The following CDK14 variants were observed in gnomAD, a reference collection of about 807,000 sequenced individuals.
CDK14 encodes cyclin dependent kinase 14, also known as cyclin-dependent kinase 14.
In CDK14, 34 loss-of-function variants were observed where a neutral mutation model predicts 60.7. That is an observed-to-expected ratio of 0.56 (90% CI 0.43 to 0.75). The LOEUF is 0.75. Ranked by LOEUF, CDK14 falls within the 30% of genes least tolerant of loss-of-function variation. CDK14 has a pLI of 0.00. For synonymous variants in CDK14, 197 were observed against 203.7 expected, an observed-to-expected ratio of 0.97 and a Z score of 0.28; for missense variants, 482 against 564.1, an observed-to-expected ratio of 0.85 and a Z score of 1.47.
At chr7:90,721,928 T>C (rs1276219434) in intron 2 of CDK14, among the ~76,000 whole-genome samples, 3 of 152,178 alleles carry the variant, frequency 2.0e-5, no homozygotes, top group Non-Finnish European at 4.4e-5. Flanking sequence ...TTATTCAGAT[T>C]GCTGACAAGT....
chr7:91,067,155 T>G (rs1562890401), intron 11 of CDK14, among the ~76,000 whole-genome samples: 1 of 152,254 alleles, frequency 6.6e-6, no homozygotes, highest in Non-Finnish European at 1.5e-5. Context: ...ATGCTTGTTG[T>G]CAACTTGGGG....
chr7:90,642,811 G>T (rs1222789154), intron 2 of CDK14, among the ~76,000 whole-genome samples: 1 of 152,062 alleles, frequency 6.6e-6, no homozygotes, highest in Non-Finnish European at 1.5e-5. Flanking sequence ...AACGTTTAAA[G>T]GTGTATTTCT....
At chr7:91,079,387 A>G in intron 11 of CDK14, 45 bp from the exon 12 acceptor site, 3 of 1,296,802 alleles carry the variant, frequency 2.3e-6, no homozygotes, top group Non-Finnish European at 3.3e-6. Flanking sequence ...TGTAATATAT[A>G]CATTTGATAC....
At chr7:91,101,838 T>C (rs1036499819) in intron 12 of CDK14, among the ~76,000 whole-genome samples, 42 of 151,940 alleles carry the variant, frequency 2.8e-4, no homozygotes, top group African/African-American at 9.7e-4. Context: ...AATGAATAAA[T>C]TTAAGCCTGT....
intron 10 of CDK14, among the ~76,000 whole-genome samples, chr7:91,034,055 G>C (rs985218786): frequency 4.6e-5 from 7 of 152,162 alleles, no homozygotes; most frequent in Non-Finnish European, 1.0e-4. Flanking sequence ...AGTAATTTTA[G>C]ATTTATTTAT....
At chr7:90,981,958 A>G (rs751212804) in intron 9 of CDK14, among the ~76,000 whole-genome samples, 1 of 152,154 alleles carries the variant, frequency 6.6e-6, no homozygotes. Context: ...AGCCATCTAC[A>G]TATGCTAGTT....
At chr7:91,055,753 T>C (rs186044212) in intron 11 of CDK14, among the ~76,000 whole-genome samples, 1 of 152,334 alleles carries the variant, frequency 6.6e-6, no homozygotes, top group African/African-American at 2.4e-5. Context: ...TAAAGTCATA[T>C]TGAAGAAAAG....
chr7:90,832,542 G>T (rs1329100447), intron 5 of CDK14, among the ~76,000 whole-genome samples: 2 of 151,876 alleles, frequency 1.3e-5, no homozygotes, highest in Non-Finnish European at 2.9e-5. Context: ...ATACCTACTT[G>T]TTAAAAGAAG....
intron 10 of CDK14, among the ~76,000 whole-genome samples, chr7:90,997,498 G>A (rs1795718531): frequency 6.6e-6 from 1 of 152,108 alleles, no homozygotes; most frequent in African/African-American, 2.4e-5. Context: ...AGTTTCTCCT[G>A]TTGCAGTTCT....
At chr7:91,140,557 C>G (rs1447681849) in intron 14 of CDK14, among the ~76,000 whole-genome samples, 2 of 152,160 alleles carry the variant, frequency 1.3e-5, no homozygotes, top group African/African-American at 4.8e-5. Flanking sequence ...AGCTCTAACT[C>G]GGGAAGCAAT....
chr7:91,187,540 C>T (rs1802227519), intron 14 of CDK14, among the ~76,000 whole-genome samples: 1 of 152,166 alleles, frequency 6.6e-6, no homozygotes, highest in South Asian at 2.1e-4. Context: ...GCTGAAGTGG[C>T]ATCGTTGTCT....
At chr7:90,939,795 TAAATG>T (rs773650010) in intron 8 of CDK14, among the ~76,000 whole-genome samples, 99 of 152,316 alleles carry the variant, frequency 6.5e-4, no homozygotes, top group Non-Finnish European at 1.2e-3. Flanking sequence ...TTTTAGTAGC[TAAATG>T]AGCTATTATG....
intron 7 of CDK14, among the ~76,000 whole-genome samples, chr7:90,909,349 T>G (rs566474759): frequency 6.6e-6 from 1 of 152,182 alleles, no homozygotes; most frequent in South Asian, 2.1e-4. Context: ...CAGCTTGTCT[T>G]TAACAGTTTC....
intron 2 of CDK14, among the ~76,000 whole-genome samples, chr7:90,625,445 T>C (rs1799857156): frequency 6.6e-6 from 1 of 152,260 alleles, no homozygotes; most frequent in South Asian, 2.1e-4. Context: ...GTTTTGAAGT[T>C]AAGCCTAATG....
intron 11 of CDK14, among the ~76,000 whole-genome samples, chr7:91,063,302 A>AC (rs1562888922): frequency 6.6e-6 from 1 of 152,074 alleles, no homozygotes; most frequent in Non-Finnish European, 1.5e-5. Context: ...AAGAAAAAAA[A>AC]CTTCGTTTCC....
At chr7:91,137,669 C>T (rs916891073) in intron 14 of CDK14, among the ~76,000 whole-genome samples, 1 of 124,960 alleles carries the variant, frequency 8.0e-6, no homozygotes, top group African/African-American at 3.7e-5. Context: ...CACTTATGAG[C>T]TCTACTTCTA....
At chr7:90,948,332 T>A (rs571000969) in intron 8 of CDK14, among the ~76,000 whole-genome samples, 1 of 152,344 alleles carries the variant, frequency 6.6e-6, no homozygotes, top group South Asian at 2.1e-4. Flanking sequence ...TCACATATAC[T>A]CTATTGAAAA....
At position 91,207,397 on chromosome 7, in the gene CDK14, A is replaced by G. The variant is rs1802936469; in HGVS notation, c.*261A>G. On this transcript the variant is annotated 3_prime_UTR_variant, in exon 15 of 15. Coordinates refer to ENST00000380050, the MANE Select transcript of CDK14 (RefSeq NM_001287135.2). ...AAGATTAAGCTTTGCTTACTGATAC[A>G]TGGCATGTATTCTTTTCAGTCTTTT... 6.6e-6 allele frequency: 1 copy of G among 152,534 alleles called. No homozygotes were observed. The highest frequency in any genetic ancestry group is 2.4e-5 in the African/African-American group (1 of 41,470). The allele number at this position is 152,534 out of a possible 1,614,324, so 9.4% of individuals were successfully genotyped here.
chr7:90,823,327 C>T (rs145977533), intron 5 of CDK14, among the ~76,000 whole-genome samples: 6 of 152,232 alleles, frequency 3.9e-5, no homozygotes, highest in East Asian at 1.9e-4. Flanking sequence ...TTTTGAGTTT[C>T]GTTAAGTATT....
Sources: gnomAD v4.1 joint callset for allele counts (sites outside exome capture counted in the v4.1 genomes callset) on GRCh38, gnomAD v4.1.1 for gene constraint, MANE v1.5 for transcripts, NCBI Gene and HGNC (gene_info 2026-07-23, HGNC 2026-07-21) for gene names.